The following ADGB variants were observed in gnomAD, a reference collection of about 807,000 sequenced individuals.
ADGB encodes androglobin, also known as calpain-7-like protein.
A neutral mutation model predicts 210.5 loss-of-function variants in ADGB; 172 were observed. The ratio of observed to expected loss-of-function variants is 0.82; its 90% CI spans 0.72 to 0.93. The LOEUF (loss-of-function observed/expected upper bound fraction) is 0.93, where lower values mean the gene tolerates loss of function less well. Among genes scored for constraint, ADGB ranks in the 40% least tolerant of loss-of-function variants. The pLI is 0.00. For synonymous variants in ADGB, 658 were observed against 662.7 expected, an observed-to-expected ratio of 0.99 and a Z score of 0.11; for missense variants, 2,025 against 1,964.8, an observed-to-expected ratio of 1.03 and a Z score of -0.58.
At chr6:146,642,435 G>A (rs936618125) in intron 2 of ADGB, among the ~76,000 whole-genome samples, 14 of 151,902 alleles carry the variant, frequency 9.2e-5, no homozygotes, top group Admixed American at 8.5e-4. Context: ...ACATGCATGC[G>A]AGTGTTCATT....
chr6:146,649,700 A>G (rs1775671964), intron 3 of ADGB, among the ~76,000 whole-genome samples: 1 of 151,916 alleles, frequency 6.6e-6, no homozygotes, highest in Non-Finnish European at 1.5e-5. Context: ...CATGTTTTCC[A>G]GGCTGGTCTC....
At chr6:146,606,786 C>T (rs538457004) in intron 1 of ADGB, among the ~76,000 whole-genome samples, 1 of 152,270 alleles carries the variant, frequency 6.6e-6, no homozygotes, top group East Asian at 1.9e-4. Context: ...CAGTATCATG[C>T]TGCTTCGGTC....
chr6:146,659,127 G>A (rs1053693870), intron 5 of ADGB, among the ~76,000 whole-genome samples: 3 of 152,168 alleles, frequency 2.0e-5, no homozygotes, highest in African/African-American at 7.2e-5. Context: ...CAAATCCTAT[G>A]TGGTTGGTTT....
chr6:146,783,952 CATTTTTATGAAGAG>C (rs1170650184), intron 30 of ADGB, among the ~76,000 whole-genome samples: 1 of 152,134 alleles, frequency 6.6e-6, no homozygotes, highest in East Asian at 1.9e-4. Flanking sequence ...ATCCTACTCT[CATTTTTATGAAGAG>C]ATGCTATGAG....
chr6:146,774,842 G>GT (rs1285981412), intron 29 of ADGB, among the ~76,000 whole-genome samples: 2 of 151,964 alleles, frequency 1.3e-5, no homozygotes, highest in Admixed American at 6.6e-5. Context: ...GCTTACTTTG[G>GT]TTTTTTTGCA....
chr6:146,741,070 C>T (rs1326085918), intron 24 of ADGB, 48 bp from the exon 25 acceptor site: 4 of 1,403,782 alleles, frequency 2.8e-6, no homozygotes, highest in Non-Finnish European at 3.7e-6. Context: ...TTTCAAACTT[C>T]CTTTAAGAAT....
At chr6:146,684,256 A>C (rs1193288445) in intron 9 of ADGB, among the ~76,000 whole-genome samples, 3 of 152,130 alleles carry the variant, frequency 2.0e-5, no homozygotes, top group African/African-American at 7.2e-5. Context: ...TTGAGCAGAA[A>C]GTTCTGAAGA....
intron 26 of ADGB, among the ~76,000 whole-genome samples, chr6:146,750,162 G>C (rs1288630535): frequency 2.0e-5 from 3 of 152,042 alleles, no homozygotes; most frequent in Admixed American, 6.6e-5. Flanking sequence ...AAGTTTTGTT[G>C]GTTTGTTTTT....
Position 146,691,275 on chromosome 6 carries a change from A to C in ADGB, c.1471A>C (p.Thr491Pro), listed in dbSNP as rs1251046705. Residue 491 changes from threonine to proline, a missense_variant, in exon 11 of 36, where the codon ACA (threonine) becomes CCA (proline). Physicochemically the swap from Thr to Pro is conservative, Grantham distance 38. Transcript: ENST00000397944. ...LIRQKKETVI[T>P]DEAQELIVKK... ...TCGTCAAAAAAAGGAAACTGTTATAACAGATGAAGCTCAAGGTATGTATCA... is the reference window on the plus strand; with the variant it reads ...TCGTCAAAAAAAGGAAACTGTTATACCAGATGAAGCTCAAGGTATGTATCA... 3.2e-6 allele frequency: 5 copies of C among 1,545,908 alleles called. No individual in the cohort carries two copies. Among genetic ancestry groups the C allele is most frequent in the Non-Finnish European group, 4.4e-6 (5 of 1,145,804 alleles).
Position 146,815,115 on chromosome 6 carries a change from G to T in ADGB, c.4902G>T (p.Lys1634Asn). The T allele has an allele frequency of 6.5e-7, 1 of 1,548,718 alleles. No homozygotes were observed. Among genetic ancestry groups the T allele is most frequent in the South Asian group, 1.2e-5 (1 of 83,652 alleles). The change falls in exon 36 of 36, where the codon AAG (lysine) becomes AAT (asparagine). Residue 1634 changes from lysine (K) to asparagine (N), a missense_variant. Lys to Asn is a moderately conservative substitution (Grantham distance 94). Coordinates refer to ENST00000397944, the MANE Select transcript of ADGB (RefSeq NM_024694.4). ...AATTGCTGGAAGCTGAGCACCTAAA[G>T]CTGGAAACTCTGGCTGCTCAGGAAG... ...RNKLLEAEHL[K>N]LETLAAQEAA...
At chr6:146,768,293 C>T (rs7764121) in intron 28 of ADGB, among the ~76,000 whole-genome samples, 1,745 of 152,106 alleles carry the variant, frequency 0.011, 23 homozygotes, top group African/African-American at 0.04. Context: ...AAATAGCTAA[C>T]GGAACTTGGG....
chr6:146,791,136 A>C (rs555392313), intron 33 of ADGB, among the ~76,000 whole-genome samples: 1 of 152,286 alleles, frequency 6.6e-6, no homozygotes, highest in East Asian at 1.9e-4. Context: ...ATCTCAACCC[A>C]TGGTTGACTC....
At chr6:146,648,661 A>G (rs1034142492) in intron 3 of ADGB, among the ~76,000 whole-genome samples, 10 of 152,054 alleles carry the variant, frequency 6.6e-5, no homozygotes, top group South Asian at 2.1e-4. Flanking sequence ...TCACCTTCCA[A>G]TGGACTGCTC....
At chr6:146,665,392 C>T (rs1775925197) in intron 6 of ADGB, among the ~76,000 whole-genome samples, 1 of 152,048 alleles carries the variant, frequency 6.6e-6, no homozygotes, top group South Asian at 2.1e-4. Flanking sequence ...CAGCTTTTAG[C>T]ACTTAATTGC....
intron 25 of ADGB, among the ~76,000 whole-genome samples, chr6:146,743,929 TTAA>T (rs2114601974): frequency 6.7e-6 from 1 of 149,708 alleles, no homozygotes; most frequent in South Asian, 2.1e-4. Flanking sequence ...AAGAAAAAAG[TTAA>T]AAGTGGAGAA....
chr6:146,731,586 C>T (rs1422270648), intron 20 of ADGB, among the ~76,000 whole-genome samples: 2 of 152,134 alleles, frequency 1.3e-5, no homozygotes, highest in African/African-American at 4.8e-5. Flanking sequence ...ACCATGGAAG[C>T]ATTAAAAAGT....
chr6:146,728,260 CCA>C (rs1776925757), intron 19 of ADGB, among the ~76,000 whole-genome samples: 1 of 152,144 alleles, frequency 6.6e-6, no homozygotes, highest in Non-Finnish European at 1.5e-5. Flanking sequence ...TCCTCAAACT[CCA>C]CACAGTTTTT....
intron 3 of ADGB, among the ~76,000 whole-genome samples, chr6:146,652,862 G>T (rs372781308): frequency 6.6e-6 from 1 of 152,050 alleles, no homozygotes; most frequent in Non-Finnish European, 1.5e-5. Flanking sequence ...AAGTTTTCAG[G>T]TTTAGCTTCA....
chr6:146,725,147 C>T, intron 18 of ADGB: 1 of 152,172 alleles, frequency 6.6e-6, no homozygotes, highest in Non-Finnish European at 1.5e-5. Flanking sequence ...CCTTTATACT[C>T]CAGCAAATCA....
Sources: gnomAD v4.1 joint callset for allele counts (sites outside exome capture counted in the v4.1 genomes callset) on GRCh38, gnomAD v4.1.1 for gene constraint, MANE v1.5 for transcripts, NCBI Gene and HGNC (gene_info 2026-07-23, HGNC 2026-07-21) for gene names.